Variants in NUFIP1 observed in about 807,000 individuals in gnomAD.
The protein encoded by NUFIP1 is nuclear FMR1 interacting protein 1.
Under a neutral mutation model 56.2 loss-of-function variants are expected in NUFIP1, and 38 were observed. The ratio of observed to expected loss-of-function variants is 0.68; its 90% CI spans 0.52 to 0.89. NUFIP1 has a LOEUF of 0.89. NUFIP1 is among the 40% of genes least tolerant of loss of function. The pLI is 0.00. For missense variants in NUFIP1, 567 were observed against 605.8 expected (o/e 0.94, Z 0.67); for synonymous variants, 215 against 212.4 (o/e 1.01, Z -0.10).
At chr13:44,968,023 T>G (rs1403835189) in intron 5 of NUFIP1, among the ~76,000 whole-genome samples, 1 of 151,630 alleles carries the variant, frequency 6.6e-6, no homozygotes, top group Non-Finnish European at 1.5e-5. Context: ...AGCCTATGGG[T>G]GGGCCATACT....
chr13:44,988,939 G>C, intron 1 of NUFIP1, 86 bp downstream of exon 1: 1 of 1,365,202 alleles, frequency 7.3e-7, no homozygotes, highest in South Asian at 1.3e-5. Flanking sequence ...AGGCAAGGCA[G>C]AGTAGAGAGA....
chr13:44,966,086 AAAAAAGTACTTAT>A, intron 5 of NUFIP1, 150 bp from the exon 6 acceptor site: 1 of 438,052 alleles, frequency 2.3e-6, no homozygotes. Context: ...TTTAAGAGGG[AAAAAAGTACTTAT>A]AACAATGTTA....
chr13:44,944,659 C>CA (rs1468572590), intron 8 of NUFIP1, among the ~76,000 whole-genome samples: 1 of 151,866 alleles, frequency 6.6e-6, no homozygotes, highest in East Asian at 1.9e-4. Context: ...TGTGTTGGGC[C>CA]ATAAAATAAG....
rs190311318 is a variant in NUFIP1, at chr13:44,975,762, T to C, written c.734+3428A>G. Among the ~76,000 whole-genome samples, 469 of 152,318 alleles carry C rather than the reference T, an allele frequency of 3.1e-3. 3 individuals are homozygous for C. Among genetic ancestry groups the C allele is most frequent in the Non-Finnish European group, 5.5e-3 (374 of 68,026 alleles). ...TCCTCTTATATGCTGAGCAAGGGAA[T>C]AGCAGAGGATAGTGGGAGAGTGAAA... On this transcript the variant is annotated intron_variant, in intron 5 of 9. Coordinates refer to ENST00000379161, the MANE Select transcript of NUFIP1 (RefSeq NM_012345.3).
intron 6 of NUFIP1, among the ~76,000 whole-genome samples, chr13:44,960,793 T>C (rs908627893): frequency 6.6e-6 from 1 of 152,136 alleles, no homozygotes; most frequent in African/African-American, 2.4e-5. Context: ...CCGGGCGCGG[T>C]GGCTCACGCC....
chr13:44,953,942 A>G (rs1459721915), intron 7 of NUFIP1, among the ~76,000 whole-genome samples: 1 of 152,146 alleles, frequency 6.6e-6, no homozygotes, highest in Admixed American at 6.6e-5. Flanking sequence ...AACCATATGT[A>G]ATAACACTTT....
chr13:44,967,959 CTTTTTT>C (rs35249686), intron 5 of NUFIP1, among the ~76,000 whole-genome samples: 1 of 151,728 alleles, frequency 6.6e-6, no homozygotes, highest in African/African-American at 2.4e-5. Flanking sequence ...TACCTTCTGC[CTTTTTT>C]TTTTTAACAT....
At chr13:44,986,541 A>T (rs993648877) in intron 1 of NUFIP1, among the ~76,000 whole-genome samples, 17 of 152,090 alleles carry the variant, frequency 1.1e-4, no homozygotes, top group African/African-American at 3.6e-4. Flanking sequence ...AATACAAAAA[A>T]ATCAGCCGGG....
intron 5 of NUFIP1, among the ~76,000 whole-genome samples, chr13:44,969,737 G>A (rs988551428): frequency 3.3e-5 from 5 of 152,000 alleles, no homozygotes; most frequent in African/African-American, 1.2e-4. Context: ...CCAACACATG[G>A]GCAAACCGTC....
At chr13:44,963,601 T>A (rs1871498313) in intron 6 of NUFIP1, among the ~76,000 whole-genome samples, 1 of 152,224 alleles carries the variant, frequency 6.6e-6, no homozygotes. Context: ...AGGTGGTACA[T>A]TTTATCGAAC....
chr13:44,958,392 A>G (rs573583519), intron 7 of NUFIP1, among the ~76,000 whole-genome samples: 11 of 152,232 alleles, frequency 7.2e-5, no homozygotes, highest in Non-Finnish European at 1.3e-4. Flanking sequence ...TATAAAGCAT[A>G]TAGAGCTCAG....
intron 6 of NUFIP1, among the ~76,000 whole-genome samples, 185 bp from the exon 7 acceptor site, chr13:44,959,759 A>G (rs904497179): frequency 2.0e-5 from 3 of 152,074 alleles, no homozygotes; most frequent in Admixed American, 2.0e-4. Flanking sequence ...CTATGATAGA[A>G]CTTTAGAAGG....
At chr13:44,956,367 G>A (rs1413344526) in intron 7 of NUFIP1, among the ~76,000 whole-genome samples, 2 of 152,114 alleles carry the variant, frequency 1.3e-5, no homozygotes, top group African/African-American at 2.4e-5. Flanking sequence ...TTTCTGGCAC[G>A]AGGGACCAGT....
Position 44,948,890 on chromosome 13 carries a change from C to A in NUFIP1, c.1138+832G>T, listed in dbSNP as rs77771631. ...AAAGACTCTTGAAAAGATTCAATTT[C>A]TTCCGACCTTTAAAATGCACAAGCT... On this transcript the variant is annotated intron_variant, in intron 8 of 9. Transcript: ENST00000379161. Among the ~76,000 whole-genome samples the A allele has an allele frequency of 9.3e-3, 1,420 of 152,302 alleles. 114 individuals are homozygous for A. The East Asian group carries it at 0.19, about 21-fold the overall frequency.
rs764426399 is a variant in NUFIP1, at chr13:44,959,559, C to T, written c.843G>A (p.Met281Ile). The T allele has an allele frequency of 1.1e-5, 17 of 1,607,642 alleles. 1 individual carries two copies. The highest frequency in any genetic ancestry group is 7.8e-5 in the South Asian group (7 of 89,206). ...TTTQYGKMKG[M>I]SRHSQMAKIR... is the part of the protein sequence containing the mutation. ...TCTTTGCCATTTGTGAATGTCTGGA[C>T]ATCCCCTTCATCTTGCTGGAGTAAG... Residue 281 changes from methionine to isoleucine, a missense_variant, in exon 7 of 10, where the codon ATG (methionine) becomes ATA (isoleucine). Physicochemically the swap from Met to Ile is conservative, Grantham distance 10. Coordinates refer to ENST00000379161, the MANE Select transcript of NUFIP1 (RefSeq NM_012345.3).
chr13:44,974,887 G>A (rs1052744037), intron 5 of NUFIP1, among the ~76,000 whole-genome samples: 1 of 152,222 alleles, frequency 6.6e-6, no homozygotes, highest in Admixed American at 6.5e-5. Context: ...GGGAGGGTGT[G>A]AGACTTGAAG....
chr13:44,984,862 C>T (rs1466546492), intron 1 of NUFIP1, among the ~76,000 whole-genome samples: 1 of 151,922 alleles, frequency 6.6e-6, no homozygotes, highest in Non-Finnish European at 1.5e-5. Context: ...CTCCCCGTTC[C>T]CCCCACCCCA....
In NUFIP1 at chr13:44,985,382, A is replaced by G. The variant is rs146856016; in HGVS notation, c.413-3228T>C. 8.3e-4 allele frequency among the ~76,000 whole-genome samples: 126 copies of G among 152,256 alleles called. 1 individual carries two copies. Among genetic ancestry groups the G allele is most frequent in the African/African-American group, 2.6e-3 (109 of 41,552 alleles). On this transcript the variant is annotated intron_variant, in intron 1 of 9. Coordinates refer to ENST00000379161, the MANE Select transcript of NUFIP1 (RefSeq NM_012345.3). ...CTTTATCTTGCATCCCATATATCCTATCTTTCAGTAAATCATGCAGTCCCC... is the reference window on the plus strand; with the variant it reads ...CTTTATCTTGCATCCCATATATCCTGTCTTTCAGTAAATCATGCAGTCCCC...
At chr13:44,972,525 AT>A (rs1245749054) in intron 5 of NUFIP1, among the ~76,000 whole-genome samples, 1 of 152,206 alleles carries the variant, frequency 6.6e-6, no homozygotes, top group Non-Finnish European at 1.5e-5. Context: ...GCATAAGGCA[AT>A]TTTTCCAGGT....
Sources: gnomAD v4.1 joint callset for allele counts (sites outside exome capture counted in the v4.1 genomes callset) on GRCh38, gnomAD v4.1.1 for gene constraint, MANE v1.5 for transcripts, NCBI Gene and HGNC (gene_info 2026-07-23, HGNC 2026-07-21) for gene names.